Variants in PCDHGB6 observed in about 807,000 individuals in gnomAD.
PCDHGB6 encodes the protein protocadherin gamma-B6.
In PCDHGB6, 51 loss-of-function variants were observed where a neutral mutation model predicts 59.1. The ratio of observed to expected loss-of-function variants is 0.86; its 90% CI spans 0.69 to 1.09. The LOEUF is 1.09. PCDHGB6 is among the 50% of genes least tolerant of loss of function. The probability of loss-of-function intolerance (pLI) is 0.00; values close to 1 mark genes in which losing one functional copy is unlikely to be tolerated. For missense variants in PCDHGB6, 1,148 were observed against 1,205.1 expected (o/e 0.95, Z 0.70); for synonymous variants, 466 against 495.1 (o/e 0.94, Z 0.78).
Position 141,409,090 on chromosome 5 carries a change from G to C in PCDHGB6, c.888G>C (p.Glu296Asp), listed in dbSNP as rs181368417. 9.9e-5 allele frequency: 159 copies of C among 1,614,024 alleles called. No individual in the cohort carries two copies. The African/African-American group carries it at 1.9e-3, about 19-fold the overall frequency. Residue 296 changes from glutamate (E) to aspartate (D), a missense_variant, in exon 1 of 4, where the codon GAG becomes GAC. Transcript: ENST00000520790. ...QSTKHMFSLD[E>D]KTGMIKNNQS... ...CAAAACATATGTTCTCATTGGATGA[G>C]AAAACAGGTATGATTAAGAATAACC...
chr5:141,423,746 T>G, intron 1 of PCDHGB6: 2 of 384,794 alleles, frequency 5.2e-6, no homozygotes, highest in Non-Finnish European at 6.6e-6. Flanking sequence ...TTATGAAAAC[T>G]GTTTGGGGGG....
At chr5:141,499,136 G>A (rs1488844131) in intron 2 of PCDHGB6, among the ~76,000 whole-genome samples, 1 of 152,100 alleles carries the variant, frequency 6.6e-6, no homozygotes, top group Non-Finnish European at 1.5e-5. Flanking sequence ...CATCCTTTGG[G>A]TGTCTGATCC....
At chr5:141,468,697 T>A (rs2099174099) in intron 1 of PCDHGB6, 1 of 151,646 alleles carries the variant, frequency 6.6e-6, no homozygotes, top group Non-Finnish European at 1.5e-5. Context: ...AAACCCCGTC[T>A]CTACTAAAAA....
rs1317717658 is a variant in PCDHGB6, at chr5:141,476,494, G to A, written c.2419-18313G>A. On this transcript the variant is annotated intron_variant, in intron 1 of 3. Coordinates refer to ENST00000520790, the MANE Select transcript of PCDHGB6 (RefSeq NM_018926.3). The surrounding 1 kb of genome is among the most constrained non-coding windows in gnomAD (Gnocchi z 7.6). ...TGTTCAGCGTGGAAGTGGTGATCCA[G>A]GACATCAACGACAACAATCCTGCTT... The A allele has an allele frequency of 6.2e-7, 1 of 1,614,012 alleles. No individual in the cohort carries two copies. The highest frequency in any genetic ancestry group is 8.5e-7 in the Non-Finnish European group (1 of 1,179,988).
chr5:141,511,345 T>TC lies in PCDHGB6; in HGVS notation c.*179dup, dbSNP rs535135679. The TC allele has an allele frequency of 6.6e-4, 924 of 1,410,366 alleles. 3 individuals are homozygous for TC. The African/African-American group carries it at 0.011, about 17-fold the overall frequency. 87.4% of individuals were successfully genotyped at this position (1,410,366 alleles called of 1,614,324 possible). ...AAGTGCCCAGTCAGCACCTACCCCT[T>TC]CCCCCCCAGGGGGTTGAATATGCAA... On this transcript the variant is annotated 3_prime_UTR_variant, in exon 4 of 4. Coordinates refer to ENST00000520790, the MANE Select transcript of PCDHGB6 (RefSeq NM_018926.3).
At chr5:141,418,295 G>A (rs751665486) in intron 1 of PCDHGB6, 1 of 1,613,996 alleles carries the variant, frequency 6.2e-7, no homozygotes, top group Admixed American at 1.7e-5. Context: ...CAGTGAATCC[G>A]TCAGCCTGGG....
At chr5:141,500,672 C>A (rs2099801937) in intron 2 of PCDHGB6, among the ~76,000 whole-genome samples, 1 of 152,156 alleles carries the variant, frequency 6.6e-6, no homozygotes, top group South Asian at 2.1e-4. Context: ...TACTGTCCAA[C>A]AGAATTATAG....
rs1481171398 is a variant in PCDHGB6 at position 141,455,879 on chromosome 5, ATTT to A, written c.2419-38927_2419-38925del. 3.8e-4 allele frequency among the ~76,000 whole-genome samples: 56 copies of A among 147,786 alleles called. No individual in the cohort carries two copies. In the East Asian group the frequency reaches 8.9e-3, roughly 23 times the overall value. On this transcript the variant is annotated intron_variant, in intron 1 of 3. Coordinates refer to ENST00000520790, the MANE Select transcript of PCDHGB6 (RefSeq NM_018926.3). ...TCTTTTATTATTTATTTATTTATTTATTTATTTATTTATTTATTTATTTATTTA... is the reference window on the plus strand; with the variant it reads ...TCTTTTATTATTTATTTATTTATTTAATTTATTTATTTATTTATTTATTTA...
intron 1 of PCDHGB6, chr5:141,441,330 C>T (rs919906372): frequency 8.5e-5 from 13 of 152,170 alleles, no homozygotes; most frequent in Admixed American, 1.3e-4. Context: ...AATCTTCCTC[C>T]AATAATTAAC....
chr5:141,492,557 G>A (rs2154587614), intron 1 of PCDHGB6, among the ~76,000 whole-genome samples: 1 of 152,350 alleles, frequency 6.6e-6, no homozygotes, highest in East Asian at 1.9e-4. Flanking sequence ...TCGCCTGGGG[G>A]GCGGCCTGAG....
intron 2 of PCDHGB6, 99 bp from the exon 3 acceptor site, chr5:141,505,294 G>T: frequency 6.4e-7 from 1 of 1,572,086 alleles, no homozygotes; most frequent in Non-Finnish European, 8.6e-7. Context: ...GCATGGGGTA[G>T]GGTTAGGGTA....
Position 141,494,872 on chromosome 5 carries a change from G to A in PCDHGB6, c.2477+7G>A. On this transcript the variant is annotated splice_region_variant and intron_variant, in intron 2 of 3. Transcript: ENST00000520790. ...AGAGACCCGGCACCAGCGGGTAGGT[G>A]ACTGATTCTCCAGCCCACCCTCTTC... 1 of 1,614,128 alleles carries A rather than the reference G, an allele frequency of 6.2e-7. No individual in the cohort carries two copies. Among genetic ancestry groups the A allele is most frequent in the South Asian group, 1.1e-5 (1 of 91,074 alleles).
intron 2 of PCDHGB6, among the ~76,000 whole-genome samples, chr5:141,497,879 G>A (rs62379207): frequency 4.6e-4 from 70 of 152,244 alleles, no homozygotes; most frequent in Non-Finnish European, 8.2e-4. Flanking sequence ...TGAAATAAGC[G>A]TTAGGATCTA....
At chr5:141,417,854 C>G in intron 1 of PCDHGB6, 2 of 1,543,902 alleles carry the variant, frequency 1.3e-6, no homozygotes, top group Non-Finnish European at 1.8e-6. Flanking sequence ...AGAACCCGAG[C>G]GAACGATGGG....
At position 141,476,789 on chromosome 5, in the gene PCDHGB6, T is replaced by C; in HGVS notation, c.2419-18018T>C. ...GTTGGACGGAGGGACCCCAGCTCTC[T>C]CCGCCAGCCTGCCTATTCACATCAA... On this transcript the variant is annotated intron_variant, in intron 1 of 3. Transcript: ENST00000520790. The surrounding 1 kb of genome is among the most constrained non-coding windows in gnomAD (Gnocchi z 7.6). 1.2e-6 allele frequency: 2 copies of C among 1,613,374 alleles called. No individual in the cohort carries two copies. The highest frequency in any genetic ancestry group is 4.5e-5 in the East Asian group (2 of 44,864).
chr5:141,410,478 C>G lies in PCDHGB6; in HGVS notation c.2276C>G (p.Thr759Arg), dbSNP rs767257836. 6.2e-7 allele frequency: 1 copy of G among 1,613,992 alleles called. No individual in the cohort carries two copies. Among genetic ancestry groups the G allele is most frequent in the Non-Finnish European group, 8.5e-7 (1 of 1,179,888 alleles). ...TCTTATAATCTGTGCATTGCACATA[C>G]GGGTACAAAAGAGTTTAATTTCCTA... is the stretch of plus-strand genomic sequence containing the variant. ...PYSYNLCIAH[T>R]GTKEFNFLKC... Residue 759 changes from threonine (T) to arginine (R), a missense_variant, in exon 1 of 4, where the codon ACG becomes AGG. Physicochemically the swap from Thr to Arg is moderately conservative, Grantham distance 71. Transcript: ENST00000520790.
At position 141,490,487 on chromosome 5, in the gene PCDHGB6, C is replaced by T. The variant is rs1398601464; in HGVS notation, c.2419-4320C>T. Reference sequence around the variant, plus strand: ...ACCAGCCAGCCTTTGGACCGGGAGGCCACATCCCACTATATCATCGAGCTG... The same window carrying T: ...ACCAGCCAGCCTTTGGACCGGGAGGTCACATCCCACTATATCATCGAGCTG... On this transcript the variant is annotated intron_variant, in intron 1 of 3. Coordinates refer to ENST00000520790, the MANE Select transcript of PCDHGB6 (RefSeq NM_018926.3). This position sits in a 1 kb window ranked among gnomAD's most constrained non-coding sequence, Gnocchi z 5.4. 4 of 1,614,000 alleles carry T rather than the reference C, an allele frequency of 2.5e-6. No homozygotes were observed. The highest frequency in any genetic ancestry group is 1.7e-5 in the Admixed American group (1 of 59,996).
intron 1 of PCDHGB6, chr5:141,419,861 T>G (rs749551833): frequency 6.2e-7 from 1 of 1,614,098 alleles, no homozygotes; most frequent in Non-Finnish European, 8.5e-7. Context: ...CGCAGATAGC[T>G]TGCAAGAGGT....
chr5:141,418,498 C>T (rs181453589), intron 1 of PCDHGB6: 10 of 1,613,968 alleles, frequency 6.2e-6, no homozygotes, highest in East Asian at 2.2e-5. Context: ...TGGTACTGAC[C>T]GCCTTAGATG....
Sources: gnomAD v4.1 joint callset for allele counts (sites outside exome capture counted in the v4.1 genomes callset) on GRCh38, gnomAD v4.1.1 for gene constraint, Gnocchi (gnomAD v3.1) non-coding constraint, MANE v1.5 for transcripts, NCBI Gene and HGNC (gene_info 2026-07-23, HGNC 2026-07-21) for gene names.